The following BNC2 variants were observed in gnomAD, a reference collection of about 807,000 sequenced individuals.
BNC2 encodes basonuclin zinc finger protein 2, also known as zinc finger protein basonuclin-2.
BNC2 carries 20 observed loss-of-function variants against 76.3 expected under a neutral mutation model. That is an observed-to-expected ratio of 0.26 (90% CI 0.18 to 0.38). BNC2 has a LOEUF of 0.38. Among genes scored for constraint, BNC2 ranks in the 10% least tolerant of loss-of-function variants. BNC2 has a pLI of 1.00. For synonymous variants in BNC2, 582 were observed against 514.8 expected (o/e 1.13, Z -1.77); for missense variants, 1,382 against 1,399.8 (o/e 0.99, Z 0.20).
At chr9:16,534,967 C>G (rs146583306) in intron 5 of BNC2, among the ~76,000 whole-genome samples, 67 of 152,208 alleles carry the variant, frequency 4.4e-4, no homozygotes, top group African/African-American at 1.5e-3. Context: ...AAAATTAAAT[C>G]TAGGTGGAAA....
Position 16,580,127 on chromosome 9 carries a change from T to C in BNC2, c.433+2856A>G, listed in dbSNP as rs1173430194. The C allele has an allele frequency of 2.5e-5, 10 of 398,492 alleles. No homozygotes were observed. In the Middle Eastern group the frequency reaches 3.8e-3, roughly 151 times the overall value. The allele number at this position is 398,492 out of a possible 1,614,324, so 24.7% of individuals were successfully genotyped here. Reference sequence around the variant, plus strand: ...TGTTTCACCTCTGAGCAGAAGTCATTGGAGACACGATTTCAGGGTTTCTGT... The same window carrying C: ...TGTTTCACCTCTGAGCAGAAGTCATCGGAGACACGATTTCAGGGTTTCTGT... On this transcript the variant is annotated intron_variant, in intron 4 of 6. Transcript: ENST00000380672.
chr9:16,593,772 T>C (rs983965231), intron 3 of BNC2, among the ~76,000 whole-genome samples: 1 of 152,040 alleles, frequency 6.6e-6, no homozygotes, highest in African/African-American at 2.4e-5. Context: ...AGTCCTTCCA[T>C]GAACAGACCT....
At chr9:16,753,880 T>C (rs530706913) in intron 1 of BNC2, among the ~76,000 whole-genome samples, 4 of 152,342 alleles carry the variant, frequency 2.6e-5, no homozygotes, top group Non-Finnish European at 4.4e-5. Flanking sequence ...ATCCATACTT[T>C]AGATATCACT....
At chr9:16,520,838 C>T (rs199687372) in intron 5 of BNC2, among the ~76,000 whole-genome samples, 4 of 152,122 alleles carry the variant, frequency 2.6e-5, no homozygotes, top group Non-Finnish European at 4.4e-5. Context: ...AATAAGAAAT[C>T]CTGTCTTCAG....
chr9:16,611,326 T>C (rs1820539617), intron 3 of BNC2, among the ~76,000 whole-genome samples: 1 of 152,158 alleles, frequency 6.6e-6, no homozygotes, highest in African/African-American at 2.4e-5. Flanking sequence ...TCCAGGATAG[T>C]TTTCTAAAGG....
intron 3 of BNC2, among the ~76,000 whole-genome samples, chr9:16,631,414 T>C (rs1314063827): frequency 6.6e-6 from 1 of 151,976 alleles, no homozygotes; most frequent in Non-Finnish European, 1.5e-5. Flanking sequence ...GGCACTGGAG[T>C]AGTATATAAC....
At chr9:16,657,533 C>A (rs1335942566) in intron 3 of BNC2, among the ~76,000 whole-genome samples, 1 of 152,092 alleles carries the variant, frequency 6.6e-6, no homozygotes, top group East Asian at 1.9e-4. Flanking sequence ...TGTCCTCTTT[C>A]TAAAGGCTGA....
chr9:16,570,581 G>C (rs1368712833), intron 4 of BNC2, among the ~76,000 whole-genome samples: 1 of 152,194 alleles, frequency 6.6e-6, no homozygotes, highest in Non-Finnish European at 1.5e-5. Flanking sequence ...AACGGGTTAA[G>C]AGGGCAGTCC....
chr9:16,512,193 A>C (rs1338736756), intron 5 of BNC2, among the ~76,000 whole-genome samples: 1 of 152,182 alleles, frequency 6.6e-6, no homozygotes, highest in Non-Finnish European at 1.5e-5. Context: ...TGAAATCCTT[A>C]AAAGGGTGTT....
chr9:16,491,802 C>T (rs193248424), intron 5 of BNC2, among the ~76,000 whole-genome samples: 12 of 152,252 alleles, frequency 7.9e-5, no homozygotes, highest in Admixed American at 6.5e-5. Context: ...GAAACACCAA[C>T]AAAGAAAAAG....
At chr9:16,832,031 A>C (rs1818588366) in intron 1 of BNC2, among the ~76,000 whole-genome samples, 1 of 152,214 alleles carries the variant, frequency 6.6e-6, no homozygotes, top group Non-Finnish European at 1.5e-5. Context: ...GAAAAGTTGA[A>C]TCCTCAAGCA....
chr9:16,427,969 G>GT (rs886583496), intron 6 of BNC2, among the ~76,000 whole-genome samples: 3 of 151,952 alleles, frequency 2.0e-5, no homozygotes, highest in African/African-American at 4.8e-5. Context: ...AAATACATAA[G>GT]TTTTTTTTAA....
At chr9:16,534,731 T>C (rs892607815) in intron 5 of BNC2, among the ~76,000 whole-genome samples, 5 of 152,190 alleles carry the variant, frequency 3.3e-5, no homozygotes, top group African/African-American at 9.6e-5. Flanking sequence ...ATGGCTTTTG[T>C]ATATTTTCAT....
Position 16,853,712 on chromosome 9 carries a change from C to T in BNC2, c.3+16934G>A, listed in dbSNP as rs776574530. On this transcript the variant is annotated intron_variant, in intron 1 of 6. Transcript: ENST00000380672. Reference sequence around the variant, plus strand: ...TGAAACCCTGTCTGTACTAAAACTACAAAAAATTAGCTGGACGTGGTAGTG... The same window carrying T: ...TGAAACCCTGTCTGTACTAAAACTATAAAAAATTAGCTGGACGTGGTAGTG... Among the ~76,000 whole-genome samples the T allele has an allele frequency of 1.1e-4, 16 of 152,060 alleles. No individual in the cohort carries two copies. The South Asian group carries it at 3.3e-3, about 32-fold the overall frequency.
At chr9:16,509,105 C>T (rs912242855) in intron 5 of BNC2, among the ~76,000 whole-genome samples, 3 of 152,104 alleles carry the variant, frequency 2.0e-5, no homozygotes, top group Non-Finnish European at 4.4e-5. Flanking sequence ...AGATTACAAC[C>T]GTAAGCCACC....
At chr9:16,506,424 G>A (rs2131847972) in intron 5 of BNC2, among the ~76,000 whole-genome samples, 1 of 144,220 alleles carries the variant, frequency 6.9e-6, no homozygotes, top group African/African-American at 2.6e-5. Flanking sequence ...TAGGTCTCAT[G>A]ATTTTCTGAC....
At chr9:16,854,543 C>T (rs542720965) in intron 1 of BNC2, among the ~76,000 whole-genome samples, 2 of 152,058 alleles carry the variant, frequency 1.3e-5, no homozygotes, top group South Asian at 4.2e-4. Context: ...GTTTCTAAGT[C>T]TTTTTTTTCT....
intron 3 of BNC2, among the ~76,000 whole-genome samples, chr9:16,681,238 G>A (rs960024710): frequency 6.6e-6 from 1 of 152,154 alleles, no homozygotes; most frequent in African/African-American, 2.4e-5. Flanking sequence ...ATTACTGAGA[G>A]GTAGATAAGT....
chr9:16,575,289 C>T, intron 4 of BNC2: 6 of 985,414 alleles, frequency 6.1e-6, no homozygotes, highest in Non-Finnish European at 7.2e-6. Flanking sequence ...CGGGATACAG[C>T]TCTGTGTGTT....
Sources: allele counts gnomAD v4.1 joint callset (sites outside exome capture counted in the v4.1 genomes callset), GRCh38; gene constraint gnomAD v4.1.1; transcripts MANE v1.5; gene names NCBI Gene and HGNC (gene_info 2026-07-23, HGNC 2026-07-21).